TLN2: variants seen among roughly 807,000 people sequenced by gnomAD.
TLN2 encodes talin 2.
A neutral mutation model predicts 294.7 loss-of-function variants in TLN2; 118 were observed. The ratio of observed to expected loss-of-function variants is 0.40; its 90% CI spans 0.34 to 0.47. The LOEUF (loss-of-function observed/expected upper bound fraction) is 0.47. Among genes scored for constraint, TLN2 ranks in the 20% least tolerant of loss-of-function variants. TLN2 has a pLI of 0.84. For synonymous variants in TLN2, 1,431 were observed against 1,304.5 expected, an observed-to-expected ratio of 1.10 and a Z score of -2.09; for missense variants, 3,083 against 3,282.2, an observed-to-expected ratio of 0.94 and a Z score of 1.48.
chr15:62,430,331 A>G (rs1279200878), intron 1 of TLN2, among the ~76,000 whole-genome samples: 1 of 152,236 alleles, frequency 6.6e-6, no homozygotes, highest in Non-Finnish European at 1.5e-5. Flanking sequence ...TTATTGGGCC[A>G]ATCATGGTTA....
intron 1 of TLN2, among the ~76,000 whole-genome samples, chr15:62,543,590 A>G (rs1371065071): frequency 6.6e-6 from 1 of 152,118 alleles, no homozygotes; most frequent in Non-Finnish European, 1.5e-5. Flanking sequence ...TCTCGTCTCT[A>G]CTAAAAATAC....
chr15:62,408,669 T>G (rs1205143966), intron 1 of TLN2, among the ~76,000 whole-genome samples: 1 of 152,218 alleles, frequency 6.6e-6, no homozygotes, highest in Non-Finnish European at 1.5e-5. Flanking sequence ...CTAAGGGTTA[T>G]GTTTCTTAGA....
intron 1 of TLN2, among the ~76,000 whole-genome samples, chr15:62,547,567 G>C (rs1450496322): frequency 2.0e-5 from 3 of 152,232 alleles, no homozygotes; most frequent in Non-Finnish European, 2.9e-5. Flanking sequence ...CTACAGGTAT[G>C]AAAGGGGATA....
At chr15:62,682,928 G>C (rs1234133092) in intron 11 of TLN2, 3 of 152,218 alleles carry the variant, frequency 2.0e-5, no homozygotes. Flanking sequence ...AAACACCAGA[G>C]AGGGCATTCG....
At chr15:62,459,297 GC>G (rs1419697424) in intron 1 of TLN2, among the ~76,000 whole-genome samples, 23 of 95,300 alleles carry the variant, frequency 2.4e-4, no homozygotes, top group Non-Finnish European at 4.2e-4. Flanking sequence ...ACCACGCTCG[GC>G]CTTTTTTTTT....
At chr15:62,399,256 C>CAAAAAAAAAAAAAAAAAA (rs546678440) in intron 1 of TLN2, among the ~76,000 whole-genome samples, 1 of 58,430 alleles carries the variant, frequency 1.7e-5, no homozygotes, top group Non-Finnish European at 2.8e-5. Context: ...CCGTCTCAAA[C>CAAAAAAAAAAAAAAAAAA]AAAAAAAAAA....
chr15:62,651,748 A>G (rs2052609423), intron 5 of TLN2, among the ~76,000 whole-genome samples: 1 of 152,204 alleles, frequency 6.6e-6, no homozygotes, highest in Non-Finnish European at 1.5e-5. Context: ...ACAGAATGTA[A>G]GTAAATGAAA....
intron 43 of TLN2, among the ~76,000 whole-genome samples, chr15:62,779,151 C>G (rs550963273): frequency 6.6e-6 from 1 of 152,308 alleles, no homozygotes; most frequent in South Asian, 2.1e-4. Flanking sequence ...CACTGTGGAG[C>G]TTCTCTTTGA....
At chr15:62,716,143 A>G (rs564348338) in intron 22 of TLN2, among the ~76,000 whole-genome samples, 188 bp from the exon 23 acceptor site, 50 of 152,240 alleles carry the variant, frequency 3.3e-4, no homozygotes, top group South Asian at 6.2e-4. Context: ...TAGCTATGCA[A>G]TTTTGAAACA....
chr15:62,448,220 C>A (rs1224529309), intron 1 of TLN2, among the ~76,000 whole-genome samples: 1 of 152,212 alleles, frequency 6.6e-6, no homozygotes, highest in African/African-American at 2.4e-5. Flanking sequence ...GATCTATGTG[C>A]TATCCGCTGC....
chr15:62,544,505 G>T (rs891283370), intron 1 of TLN2, among the ~76,000 whole-genome samples: 2 of 152,186 alleles, frequency 1.3e-5, no homozygotes, highest in Non-Finnish European at 2.9e-5. Flanking sequence ...AACCAACACT[G>T]TGTGTACAAG....
At chr15:62,466,808 T>C (rs2037159399) in intron 1 of TLN2, among the ~76,000 whole-genome samples, 1 of 152,250 alleles carries the variant, frequency 6.6e-6, no homozygotes, top group South Asian at 2.1e-4. Context: ...ATTTTGGTTT[T>C]ATTTTCAGAT....
intron 3 of TLN2, among the ~76,000 whole-genome samples, chr15:62,644,332 C>T (rs999053447): frequency 3.3e-5 from 5 of 152,208 alleles, no homozygotes; most frequent in South Asian, 2.1e-4. Context: ...TCACCTACCC[C>T]TGTGCCTCCT....
intron 1 of TLN2, among the ~76,000 whole-genome samples, chr15:62,458,097 T>A (rs2036582806): frequency 6.6e-6 from 1 of 152,174 alleles, no homozygotes; most frequent in African/African-American, 2.4e-5. Flanking sequence ...TTCTGAAGTT[T>A]TTGTATGAGT....
intron 1 of TLN2, among the ~76,000 whole-genome samples, chr15:62,544,691 G>GA (rs2041891036): frequency 1.3e-5 from 2 of 150,894 alleles, no homozygotes; most frequent in African/African-American, 4.9e-5. Context: ...CCTTTTAAGA[G>GA]AAAAATCTTT....
At chr15:62,706,620 C>T (rs2059089466) in intron 19 of TLN2, among the ~76,000 whole-genome samples, 1 of 152,144 alleles carries the variant, frequency 6.6e-6, no homozygotes, top group Non-Finnish European at 1.5e-5. Flanking sequence ...GATCTTTGTG[C>T]AAAGTAGAAA....
chr15:62,661,995 G>T (rs143464128), intron 9 of TLN2, among the ~76,000 whole-genome samples: 172 of 152,234 alleles, frequency 1.1e-3, no homozygotes, highest in Non-Finnish European at 2.5e-4. Context: ...AAAAATTTCA[G>T]ATATGCAGTT....
chr15:62,593,618 T>C (rs1328396073), intron 2 of TLN2, among the ~76,000 whole-genome samples: 2 of 152,238 alleles, frequency 1.3e-5, no homozygotes, highest in Non-Finnish European at 2.9e-5. Flanking sequence ...TATCTGCAAT[T>C]GAGTATTTTT....
At chr15:62,457,123 A>G (rs1358676045) in intron 1 of TLN2, among the ~76,000 whole-genome samples, 3 of 152,210 alleles carry the variant, frequency 2.0e-5, no homozygotes, top group Admixed American at 1.3e-4. Context: ...GGCTTAAACA[A>G]TAGAAATTTT....
Sources: allele counts gnomAD v4.1 joint callset (sites outside exome capture counted in the v4.1 genomes callset), GRCh38; gene constraint gnomAD v4.1.1; transcripts MANE v1.5; gene names NCBI Gene and HGNC (gene_info 2026-07-23, HGNC 2026-07-21).